DLC1: variants seen among roughly 807,000 people sequenced by gnomAD.
The protein encoded by DLC1 is DLC1 Rho GTPase activating protein.
A neutral mutation model predicts 140.3 loss-of-function variants in DLC1; 54 were observed. The ratio of observed to expected loss-of-function variants is 0.38; its 90% CI spans 0.31 to 0.48. The LOEUF is 0.48. Ranked by LOEUF, DLC1 falls within the 20% of genes least tolerant of loss-of-function variation. DLC1 has a pLI of 0.96. For missense variants in DLC1, 2,536 were observed against 1,907.0 expected (o/e 1.33, Z -6.14); for synonymous variants, 986 against 728.1 (o/e 1.35, Z -5.70).
At chr8:13,209,238 T>C (rs1433395296) in intron 5 of DLC1, among the ~76,000 whole-genome samples, 1 of 152,180 alleles carries the variant, frequency 6.6e-6, no homozygotes, top group Non-Finnish European at 1.5e-5. Context: ...TATGTATCCT[T>C]ATAAATCTAT....
At chr8:13,468,900 A>T (rs1800076940) in intron 2 of DLC1, among the ~76,000 whole-genome samples, 1 of 138,148 alleles carries the variant, frequency 7.2e-6, no homozygotes, top group African/African-American at 2.7e-5. Context: ...GGTTCACTGC[A>T]ACCTCGGCCT....
rs535189423 is a variant in DLC1, at chr8:13,276,582, G to C, written c.1348+28687C>G. Reference sequence around the variant, plus strand: ...TCCTGGCCCGCGGCCAAGCGCGCGCGGCGGCCACATCTGGAAAGACTTACC... The same window carrying C: ...TCCTGGCCCGCGGCCAAGCGCGCGCCGCGGCCACATCTGGAAAGACTTACC... On this transcript the variant is annotated intron_variant, in intron 5 of 17. Coordinates refer to ENST00000276297, the MANE Select transcript of DLC1 (RefSeq NM_182643.3). 173 of 1,265,406 alleles carry C rather than the reference G, an allele frequency of 1.4e-4. 1 individual carries two copies. In the South Asian group the frequency reaches 2.3e-3, roughly 17 times the overall value. 78.4% of individuals were successfully genotyped at this position (1,265,406 alleles called of 1,614,324 possible). A position where few individuals can be genotyped will look rare whatever the true frequency, so the allele number is the denominator to read the frequency against.
intron 17 of DLC1, 159 bp from the exon 18 acceptor site, chr8:13,086,090 C>G: frequency 7.3e-7 from 1 of 1,372,070 alleles, no homozygotes; most frequent in Non-Finnish European, 9.6e-7. Flanking sequence ...TGCTTTAGAA[C>G]CACATTTTCT....
At chr8:13,336,103 T>C (rs996000212) in intron 4 of DLC1, among the ~76,000 whole-genome samples, 1 of 152,196 alleles carries the variant, frequency 6.6e-6, no homozygotes, top group Non-Finnish European at 1.5e-5. Flanking sequence ...CATCTTTCTT[T>C]TGAAAATATA....
At position 13,491,679 on chromosome 8, in the gene DLC1, A is replaced by G. The variant is rs1010255414; in HGVS notation, c.1023+7370T>C. Among the ~76,000 whole-genome samples the G allele has an allele frequency of 6.6e-5, 10 of 152,096 alleles. 1 individual carries two copies. The highest frequency in any genetic ancestry group is 2.2e-4 in the African/African-American group (9 of 41,402). Reference sequence around the variant, plus strand: ...AGTGTAATAATGATCTCAGTCTTGAAGGTTTCCTCAGAGATCCAGATTTTA... The same window carrying G: ...AGTGTAATAATGATCTCAGTCTTGAGGGTTTCCTCAGAGATCCAGATTTTA... On this transcript the variant is annotated intron_variant, in intron 2 of 17. Transcript: ENST00000276297.
At position 13,498,787 on chromosome 8, in the gene DLC1, C is replaced by G. The variant is rs1368073545; in HGVS notation, c.1023+262G>C. On this transcript the variant is annotated intron_variant, in intron 2 of 17. Coordinates refer to ENST00000276297, the MANE Select transcript of DLC1 (RefSeq NM_182643.3). ...TTAATTCCAACTAAAGAAAGGGATA[C>G]CAATCCTGTTTTCAACACAATTCTG... 9.5e-5 allele frequency: 33 copies of G among 346,118 alleles called. No individual in the cohort carries two copies. The East Asian group carries it at 1.6e-3, about 16-fold the overall frequency. The allele number at this position is 346,118 out of a possible 1,614,324, so 21.4% of individuals were successfully genotyped here.
At chr8:13,524,881 T>C (rs1468394321) in intron 1 of DLC1, among the ~76,000 whole-genome samples, 1 of 152,226 alleles carries the variant, frequency 6.6e-6, no homozygotes, top group African/African-American at 2.4e-5. Context: ...GTGAACAATT[T>C]GATTGCTTTT....
chr8:13,545,608 C>T (rs949394641), intron 1 of DLC1, among the ~76,000 whole-genome samples: 2 of 151,998 alleles, frequency 1.3e-5, no homozygotes, highest in African/African-American at 2.4e-5. Context: ...TATACTTTGT[C>T]AGTTCTAGTT....
In DLC1 at chr8:13,100,101, G is replaced by GGCTGCT; in HGVS notation, c.2230_2235dup (p.Ser744_Ser745dup). 6.2e-7 allele frequency: 1 copy of GGCTGCT among 1,613,458 alleles called. No homozygotes were observed. The highest frequency in any genetic ancestry group is 8.5e-7 in the Non-Finnish European group (1 of 1,179,842). ...CTGACCGCGCTGCTGGTCTCCGACT[G>GGCTGCT]GCTGCTGCTGCTGCTGGTCTGCGTG... is the stretch of plus-strand genomic sequence containing the variant. On this transcript the variant is annotated inframe_insertion, in exon 9 of 18. Transcript: ENST00000276297.
chr8:13,551,566 C>G (rs1261639910), intron 1 of DLC1, among the ~76,000 whole-genome samples: 1 of 151,904 alleles, frequency 6.6e-6, no homozygotes, highest in East Asian at 1.9e-4. Context: ...GTGCATTGCT[C>G]TCAACTATAA....
At chr8:13,421,560 A>G (rs564130778) in intron 2 of DLC1, among the ~76,000 whole-genome samples, 1 of 152,296 alleles carries the variant, frequency 6.6e-6, no homozygotes, top group Non-Finnish European at 1.5e-5. Context: ...ATAACTTTTC[A>G]GGTGCACTGA....
chr8:13,188,971 G>C (rs568553722), intron 5 of DLC1, among the ~76,000 whole-genome samples: 1 of 149,080 alleles, frequency 6.7e-6, no homozygotes, highest in Non-Finnish European at 1.5e-5. Context: ...TTACAGGCAT[G>C]AGCTATCACA....
intron 1 of DLC1, among the ~76,000 whole-genome samples, chr8:13,536,580 G>A (rs1201050900): frequency 6.6e-6 from 1 of 152,130 alleles, no homozygotes; most frequent in East Asian, 1.9e-4. Flanking sequence ...GGCTCTGAGA[G>A]GTTAAATAAT....
At chr8:13,132,430 GA>G (rs201703732) in intron 5 of DLC1, among the ~76,000 whole-genome samples, 9 of 148,400 alleles carry the variant, frequency 6.1e-5, no homozygotes, top group South Asian at 4.3e-4. Context: ...AGGCAGTGAT[GA>G]AAAAAAAAAA....
intron 4 of DLC1, among the ~76,000 whole-genome samples, chr8:13,325,507 G>T (rs1288135007): frequency 6.6e-6 from 1 of 151,856 alleles, no homozygotes; most frequent in African/African-American, 2.4e-5. Flanking sequence ...CATGTATGCT[G>T]GTGTAAAATA....
At chr8:13,467,581 A>T (rs1215035904) in intron 2 of DLC1, among the ~76,000 whole-genome samples, 1 of 152,054 alleles carries the variant, frequency 6.6e-6, no homozygotes, top group African/African-American at 2.4e-5. Flanking sequence ...TTTACAAAAA[A>T]TCAGCCAAGT....
intron 5 of DLC1, among the ~76,000 whole-genome samples, chr8:13,191,798 G>T (rs1168572064): frequency 2.0e-5 from 3 of 152,028 alleles, no homozygotes. Context: ...CTGGATCTCA[G>T]TTTCTTCATC....
Position 13,099,519 on chromosome 8 carries a change from C to T in DLC1, c.2818G>A (p.Val940Ile). ...TTTGGAGAGGACGGGCAGGGAGAGA[C>T]CGAGTCCAGGGCTGAGTCCGAATCT... ...EGDSDSALDS[V>I]SPCPSSPKQI... The change falls in exon 9 of 18, where the codon GTC (valine) becomes ATC (isoleucine). Residue 940 changes from valine (V) to isoleucine (I), a missense_variant. Transcript: ENST00000276297. The T allele has an allele frequency of 6.2e-7, 1 of 1,614,168 alleles. No homozygotes were observed. The highest frequency in any genetic ancestry group is 8.5e-7 in the Non-Finnish European group (1 of 1,180,044).
intron 5 of DLC1, among the ~76,000 whole-genome samples, chr8:13,156,644 T>C (rs961926575): frequency 1.3e-5 from 2 of 152,172 alleles, no homozygotes; most frequent in African/African-American, 2.4e-5. Flanking sequence ...GGTGTCCACA[T>C]TTATAAACTC....
Sources: allele counts gnomAD v4.1 joint callset (sites outside exome capture counted in the v4.1 genomes callset), GRCh38; gene constraint gnomAD v4.1.1; transcripts MANE v1.5; gene names NCBI Gene and HGNC (gene_info 2026-07-23, HGNC 2026-07-21).